Variants in NCAM2 observed in about 807,000 individuals in gnomAD.
The protein encoded by NCAM2 is N-CAM-2.
NCAM2 carries 30 observed loss-of-function variants against 98.1 expected under a neutral mutation model. The observed-to-expected ratio is 0.31, with a 90% CI of 0.23 to 0.41. The LOEUF is 0.41. Among genes scored for constraint, NCAM2 ranks in the 10% least tolerant of loss-of-function variants. The pLI is 1.00. For synonymous variants in NCAM2, 368 were observed against 342.4 expected, an observed-to-expected ratio of 1.07 and a Z score of -0.83; for missense variants, 867 against 1,005.8, an observed-to-expected ratio of 0.86 and a Z score of 1.87.
intron 11 of NCAM2, among the ~76,000 whole-genome samples, chr21:21,423,930 C>T (rs2077163071): frequency 6.6e-6 from 1 of 152,098 alleles, no homozygotes; most frequent in African/African-American, 2.4e-5. Context: ...GAATAGAATT[C>T]TAAGATATGG....
At chr21:21,028,883 TA>T (rs1292109842) in intron 1 of NCAM2, among the ~76,000 whole-genome samples, 1 of 152,228 alleles carries the variant, frequency 6.6e-6, no homozygotes, top group African/African-American at 2.4e-5. Context: ...AATAAACATT[TA>T]AAAATTATGT....
chr21:21,241,171 A>G (rs540200238), intron 1 of NCAM2, among the ~76,000 whole-genome samples: 13 of 152,276 alleles, frequency 8.5e-5, no homozygotes, highest in Admixed American at 2.0e-4. Context: ...ATTAAAAACA[A>G]AAAGTTTTTG....
Position 21,471,297 on chromosome 21 carries a change from C to T in NCAM2, c.1896+2514C>T, listed in dbSNP as rs1040931183. On this transcript the variant is annotated intron_variant, in intron 14 of 17. Coordinates refer to ENST00000400546, the MANE Select transcript of NCAM2 (RefSeq NM_004540.5). Reference sequence around the variant, plus strand: ...TGTCTCTTCTCTTCTCCACCTCCTCCATCCTGTCAACATCATGCTCTGAGG... The same window carrying T: ...TGTCTCTTCTCTTCTCCACCTCCTCTATCCTGTCAACATCATGCTCTGAGG... Among the ~76,000 whole-genome samples the T allele has an allele frequency of 8.5e-5, 13 of 152,088 alleles. No homozygotes were observed. In the East Asian group the frequency reaches 2.1e-3, roughly 25 times the overall value.
At chr21:21,448,782 C>A (rs1389487592) in intron 12 of NCAM2, among the ~76,000 whole-genome samples, 2 of 151,622 alleles carry the variant, frequency 1.3e-5, no homozygotes, top group African/African-American at 4.8e-5. Context: ...TTATGAATTG[C>A]AAAAAAGAAG....
intron 16 of NCAM2, among the ~76,000 whole-genome samples, chr21:21,528,698 G>C (rs1989461183): frequency 6.6e-6 from 1 of 151,944 alleles, no homozygotes; most frequent in Non-Finnish European, 1.5e-5. Flanking sequence ...AATAAACAAG[G>C]TTTACCTTCT....
At position 21,432,099 on chromosome 21, in the gene NCAM2, T is replaced by C; in HGVS notation, c.1481-9T>C. ...TGGTTATGTTTTCTTTATATTTCTT[T>C]GTCCATAGACGTGCCATCCAGTCCC... On this transcript the variant is annotated splice_polypyrimidine_tract_variant and intron_variant, in intron 11 of 17. Coordinates refer to ENST00000400546, the MANE Select transcript of NCAM2 (RefSeq NM_004540.5). The C allele has an allele frequency of 6.2e-7, 1 of 1,610,248 alleles. No homozygotes were observed. Among genetic ancestry groups the C allele is most frequent in the Non-Finnish European group, 8.5e-7 (1 of 1,177,396 alleles).
intron 14 of NCAM2, among the ~76,000 whole-genome samples, chr21:21,471,102 A>C (rs957816796): frequency 6.6e-6 from 1 of 152,040 alleles, no homozygotes. Flanking sequence ...GGATGGCAGC[A>C]GTACTGGGCA....
At chr21:21,534,269 A>G (rs1989866218) in intron 16 of NCAM2, among the ~76,000 whole-genome samples, 1 of 152,082 alleles carries the variant, frequency 6.6e-6, no homozygotes. Flanking sequence ...GTAGGATTTT[A>G]AAATGTGTAC....
chr21:21,460,754 G>T (rs1330306800), intron 12 of NCAM2, among the ~76,000 whole-genome samples: 1 of 151,860 alleles, frequency 6.6e-6, no homozygotes, highest in Non-Finnish European at 1.5e-5. Context: ...ATAATAAAAA[G>T]ATTCTCACAG....
intron 1 of NCAM2, among the ~76,000 whole-genome samples, chr21:21,226,167 A>C (rs1180222198): frequency 6.6e-6 from 1 of 152,090 alleles, no homozygotes; most frequent in Non-Finnish European, 1.5e-5. Context: ...CGGGGAGAGA[A>C]GAAGGGAGGC....
intron 1 of NCAM2, among the ~76,000 whole-genome samples, chr21:21,258,844 G>A (rs1046096870): frequency 2.6e-5 from 4 of 152,214 alleles, no homozygotes; most frequent in Admixed American, 2.0e-4. Flanking sequence ...TGCCTGCGGA[G>A]CTGCAGGACC....
chr21:21,011,007 A>T (rs1175384954), intron 1 of NCAM2, among the ~76,000 whole-genome samples: 1 of 152,062 alleles, frequency 6.6e-6, no homozygotes, highest in Non-Finnish European at 1.5e-5. Context: ...AATCTAATAT[A>T]GTTTCATGCA....
intron 15 of NCAM2, among the ~76,000 whole-genome samples, chr21:21,482,692 A>G (rs1359065986): frequency 1.3e-5 from 2 of 151,698 alleles, no homozygotes; most frequent in Admixed American, 6.6e-5. Context: ...GATAACAATA[A>G]TTTTTCTTGT....
At chr21:21,034,763 C>T (rs2064763666) in intron 1 of NCAM2, among the ~76,000 whole-genome samples, 1 of 152,042 alleles carries the variant, frequency 6.6e-6, no homozygotes, top group African/African-American at 2.4e-5. Context: ...TTTTTTCTCT[C>T]CAGTCCCTCA....
intron 9 of NCAM2, 78 bp downstream of exon 9, chr21:21,374,091 A>C: frequency 1.4e-6 from 2 of 1,380,140 alleles, no homozygotes; most frequent in Non-Finnish European, 2.0e-6. Context: ...TAAAGACCAA[A>C]ATATATATGT....
At chr21:21,322,433 A>G (rs187646444) in intron 5 of NCAM2, among the ~76,000 whole-genome samples, 2 of 152,266 alleles carry the variant, frequency 1.3e-5, no homozygotes, top group East Asian at 3.9e-4. Flanking sequence ...AAACCTGTCC[A>G]TATGTCCCCT....
At chr21:21,480,974 A>G (rs776987189) in intron 15 of NCAM2, among the ~76,000 whole-genome samples, 35 of 152,372 alleles carry the variant, frequency 2.3e-4, no homozygotes, top group Non-Finnish European at 4.1e-4. Flanking sequence ...AATTTGAAAT[A>G]TCAAATCGTT....
intron 12 of NCAM2, among the ~76,000 whole-genome samples, chr21:21,453,554 G>T (rs1981663583): frequency 6.6e-6 from 1 of 152,026 alleles, no homozygotes; most frequent in South Asian, 2.1e-4. Flanking sequence ...TATAGGAGAG[G>T]TCATTTTTAA....
chr21:21,371,319 C>T (rs1435211020), intron 8 of NCAM2, among the ~76,000 whole-genome samples: 1 of 151,690 alleles, frequency 6.6e-6, no homozygotes, highest in Non-Finnish European at 1.5e-5. Context: ...ACATATTTAG[C>T]AGTTATGCAT....
Sources: allele counts gnomAD v4.1 joint callset (sites outside exome capture counted in the v4.1 genomes callset), GRCh38; gene constraint gnomAD v4.1.1; transcripts MANE v1.5; gene names NCBI Gene and HGNC (gene_info 2026-07-23, HGNC 2026-07-21).